Variants in CNTNAP2 observed in about 807,000 individuals in gnomAD.
CNTNAP2 encodes the protein contactin associated protein 2, also known as contactin-associated protein-like 2.
CNTNAP2 carries 98 observed loss-of-function variants against 155.2 expected under a neutral mutation model. That is an observed-to-expected ratio of 0.63 (90% CI 0.54 to 0.75). CNTNAP2 has a LOEUF of 0.75. CNTNAP2 is among the 30% of genes least tolerant of loss of function. CNTNAP2 has a pLI of 0.00. For synonymous variants in CNTNAP2, 651 were observed against 631.2 expected, an observed-to-expected ratio of 1.03 and a Z score of -0.47; for missense variants, 1,727 against 1,688.1, an observed-to-expected ratio of 1.02 and a Z score of -0.40.
At chr7:148,213,161 C>A (rs372514619) in intron 18 of CNTNAP2, among the ~76,000 whole-genome samples, 8 of 152,170 alleles carry the variant, frequency 5.3e-5, no homozygotes, top group Non-Finnish European at 7.3e-5. Context: ...GCATCTCACA[C>A]CCTTGTGCGC....
chr7:147,812,315 A>C (rs1563097975), intron 13 of CNTNAP2, among the ~76,000 whole-genome samples: 1 of 152,132 alleles, frequency 6.6e-6, no homozygotes, highest in Non-Finnish European at 1.5e-5. Flanking sequence ...GTTTTACTTT[A>C]AGGAAATTTA....
chr7:146,437,049 C>A (rs1454392463), intron 1 of CNTNAP2, among the ~76,000 whole-genome samples: 2 of 151,392 alleles, frequency 1.3e-5, no homozygotes, highest in Non-Finnish European at 2.9e-5. Flanking sequence ...AGGAGGTGAG[C>A]GGTGGCAAGT....
chr7:147,678,522 G>T (rs1795901509), intron 13 of CNTNAP2, among the ~76,000 whole-genome samples: 1 of 151,848 alleles, frequency 6.6e-6, no homozygotes, highest in Admixed American at 6.6e-5. Context: ...ACTACAGAAT[G>T]AAGACTTCTA....
At chr7:146,459,375 C>T (rs969983577) in intron 1 of CNTNAP2, among the ~76,000 whole-genome samples, 1 of 152,194 alleles carries the variant, frequency 6.6e-6, no homozygotes, top group Non-Finnish European at 1.5e-5. Flanking sequence ...TACCACCTCA[C>T]TCCCTCAGGT....
chr7:146,488,159 G>T (rs1163524951), intron 1 of CNTNAP2, among the ~76,000 whole-genome samples: 1 of 151,648 alleles, frequency 6.6e-6, no homozygotes, highest in African/African-American at 2.4e-5. Flanking sequence ...TCAGACACGC[G>T]GCTTGCTCTT....
intron 1 of CNTNAP2, among the ~76,000 whole-genome samples, chr7:146,336,549 A>C (rs936685684): frequency 3.9e-5 from 6 of 152,070 alleles, no homozygotes; most frequent in South Asian, 2.1e-4. Context: ...GAAAAAAAAA[A>C]CAGAATTAAT....
intron 4 of CNTNAP2, among the ~76,000 whole-genome samples, chr7:147,048,257 C>G (rs1799405238): frequency 6.6e-6 from 1 of 151,686 alleles, no homozygotes; most frequent in Non-Finnish European, 1.5e-5. Flanking sequence ...AAAAGGTAGA[C>G]AGGGAGAGAT....
At chr7:148,159,750 T>C (rs986559689) in intron 17 of CNTNAP2, among the ~76,000 whole-genome samples, 2 of 152,254 alleles carry the variant, frequency 1.3e-5, no homozygotes, top group African/African-American at 4.8e-5. Flanking sequence ...TTTCTGAGTA[T>C]AAATTTTAAA....
intron 10 of CNTNAP2, among the ~76,000 whole-genome samples, chr7:147,484,684 A>C (rs1798481395): frequency 6.6e-6 from 1 of 152,248 alleles, no homozygotes; most frequent in Admixed American, 6.5e-5. Context: ...GCCCAGCTAC[A>C]GGTGGTTTTA....
chr7:148,415,489 AG>A lies in CNTNAP2; in HGVS notation c.3872del (p.Gly1291AlafsTer22). 6.2e-7 allele frequency: 1 copy of A among 1,614,224 alleles called. No individual in the cohort carries two copies. Among genetic ancestry groups the A allele is most frequent in the Non-Finnish European group, 8.5e-7 (1 of 1,180,044 alleles). ...VFLIRYMFRH[K>X]GTYHTNEAKG... ...CTGATCCGGTACATGTTCCGCCACAAGGGCACCTACCATACCAACGAAGCAA... is the reference window on the plus strand; with the variant it reads ...CTGATCCGGTACATGTTCCGCCACAAGGCACCTACCATACCAACGAAGCAA... On this transcript the variant is annotated frameshift_variant, in exon 24 of 24. Coordinates refer to ENST00000361727, the MANE Select transcript of CNTNAP2 (RefSeq NM_014141.6). LOFTEE classifies it high-confidence loss of function.
chr7:147,813,739 G>A (rs929839168), intron 13 of CNTNAP2, among the ~76,000 whole-genome samples: 2 of 152,156 alleles, frequency 1.3e-5, no homozygotes, highest in Admixed American at 1.3e-4. Flanking sequence ...TTCTGCACAT[G>A]CACGCACGGA....
chr7:147,569,421 A>C (rs1409789037), intron 12 of CNTNAP2, among the ~76,000 whole-genome samples: 1 of 152,124 alleles, frequency 6.6e-6, no homozygotes, highest in Non-Finnish European at 1.5e-5. Context: ...GTCATGCACC[A>C]CATAGTATTT....
intron 13 of CNTNAP2, among the ~76,000 whole-genome samples, chr7:147,753,869 A>G (rs1563077265): frequency 6.6e-6 from 1 of 152,202 alleles, no homozygotes; most frequent in Non-Finnish European, 1.5e-5. Flanking sequence ...AAGGTCAGAA[A>G]GTAATGGTTA....
intron 3 of CNTNAP2, among the ~76,000 whole-genome samples, chr7:146,952,405 C>T (rs1178029955): frequency 6.6e-6 from 1 of 152,086 alleles, no homozygotes; most frequent in Non-Finnish European, 1.5e-5. Context: ...TCCTATTCAA[C>T]AGAGTATTGG....
chr7:147,544,316 C>T (rs1032490312), intron 11 of CNTNAP2, among the ~76,000 whole-genome samples: 1 of 151,938 alleles, frequency 6.6e-6, no homozygotes, highest in Non-Finnish European at 1.5e-5. Context: ...ATTTCAATGG[C>T]CCCAGACTTC....
At chr7:146,395,063 A>ATTCT (rs148235947) in intron 1 of CNTNAP2, among the ~76,000 whole-genome samples, 20,276 of 152,116 alleles carry the variant, frequency 0.13, 1,605 homozygotes, top group African/African-American at 0.23. Flanking sequence ...CACAAAAGAC[A>ATTCT]TTATTTCTTT....
chr7:146,790,907 G>A (rs1427125011), intron 2 of CNTNAP2, among the ~76,000 whole-genome samples: 7 of 151,930 alleles, frequency 4.6e-5, no homozygotes, highest in Non-Finnish European at 7.4e-5. Flanking sequence ...CCTGGAGACA[G>A]GCTTTGAGTA....
chr7:146,658,987 A>G (rs752786912), intron 1 of CNTNAP2, among the ~76,000 whole-genome samples: 6 of 152,272 alleles, frequency 3.9e-5, no homozygotes, highest in Non-Finnish European at 8.8e-5. Flanking sequence ...CCCTGCAGCT[A>G]CTGGAGACAC....
intron 2 of CNTNAP2, among the ~76,000 whole-genome samples, chr7:146,832,635 A>G (rs1438903508): frequency 6.7e-6 from 1 of 148,452 alleles, no homozygotes; most frequent in African/African-American, 2.4e-5. Flanking sequence ...ATAAATTTAT[A>G]TGAATATATA....
Sources: gnomAD v4.1 joint callset for allele counts (sites outside exome capture counted in the v4.1 genomes callset) on GRCh38, gnomAD v4.1.1 for gene constraint, MANE v1.5 for transcripts, NCBI Gene and HGNC (gene_info 2026-07-23, HGNC 2026-07-21) for gene names.